The following RBM19 variants were observed in gnomAD, a reference collection of about 807,000 sequenced individuals.
RBM19 encodes probable RNA-binding protein 19.
In RBM19, 94 loss-of-function variants were observed where a neutral mutation model predicts 116.8. That is an observed-to-expected ratio of 0.80 (90% CI 0.68 to 0.95). The LOEUF (loss-of-function observed/expected upper bound fraction) is 0.95. Among genes scored for constraint, RBM19 ranks in the 40% least tolerant of loss-of-function variants. RBM19 has a pLI of 0.00. For missense variants in RBM19, 1,161 were observed against 1,220.7 expected, an observed-to-expected ratio of 0.95 and a Z score of 0.73; for synonymous variants, 475 against 494.1, an observed-to-expected ratio of 0.96 and a Z score of 0.51.
chr12:113,915,365 G>T (rs1882712439), intron 20 of RBM19, among the ~76,000 whole-genome samples: 1 of 152,132 alleles, frequency 6.6e-6, no homozygotes, highest in African/African-American at 2.4e-5. Context: ...CCCCGCTAAG[G>T]GTGGGGCTGG....
chr12:113,876,010 G>A (rs1879644888), intron 21 of RBM19, among the ~76,000 whole-genome samples: 1 of 151,920 alleles, frequency 6.6e-6, no homozygotes, highest in African/African-American at 2.4e-5. Flanking sequence ...CTGTGGTGAC[G>A]TGTGCCTTGG....
chr12:113,888,765 C>G (rs577867884), intron 21 of RBM19, among the ~76,000 whole-genome samples: 1 of 152,128 alleles, frequency 6.6e-6, no homozygotes, highest in African/African-American at 2.4e-5. Flanking sequence ...CTGTAATTCC[C>G]GTCTTCATCT....
rs766891435 is a variant in RBM19, at chr12:113,939,958, A to G, written c.1938+2T>C. ...TCAATTCTGGGTCTCCAGCAGCCCTACCTTGGAATAGGCCAGATGCCTGAA... is the reference window on the plus strand; with the variant it reads ...TCAATTCTGGGTCTCCAGCAGCCCTGCCTTGGAATAGGCCAGATGCCTGAA... On this transcript the variant is annotated splice_donor_variant, in intron 15 of 23. Transcript: ENST00000261741. LOFTEE classifies it high-confidence loss of function. 1 of 1,613,640 alleles carries G rather than the reference A, an allele frequency of 6.2e-7. No individual in the cohort carries two copies. The highest frequency in any genetic ancestry group is 1.7e-4 in the Middle Eastern group (1 of 6,052).
At chr12:113,936,931 C>T in intron 16 of RBM19, 76 bp downstream of exon 16, 1 of 1,543,068 alleles carries the variant, frequency 6.5e-7, no homozygotes. Flanking sequence ...TGATAAGAAA[C>T]TTCACGCTGC....
At chr12:113,914,083 C>T (rs192546175) in intron 21 of RBM19, among the ~76,000 whole-genome samples, 48 of 152,316 alleles carry the variant, frequency 3.2e-4, no homozygotes, top group Non-Finnish European at 2.1e-4. Context: ...AACATGGCAG[C>T]GTAGGGATCA....
chr12:113,819,080 G>A (rs1874252279), downstream of RBM19, among the ~76,000 whole-genome samples: 1 of 152,210 alleles, frequency 6.6e-6, no homozygotes, highest in Non-Finnish European at 1.5e-5. Flanking sequence ...CTCTTGATAA[G>A]GGAGTTTCAG....
Position 113,950,161 on chromosome 12 carries a change from G to A in RBM19, c.1001-7C>T. The stretch of plus-strand genomic sequence containing the variant: ...AAATCCACAAAGATGTATCCTGACA[G>A]AGGACAATGACAGAGGTAAAATCTG... On this transcript the variant is annotated splice_region_variant and splice_polypyrimidine_tract_variant and intron_variant, in intron 8 of 23. Coordinates refer to ENST00000261741, the MANE Select transcript of RBM19 (RefSeq NM_016196.4). The A allele has an allele frequency of 6.2e-7, 1 of 1,602,282 alleles. No individual in the cohort carries two copies. Among genetic ancestry groups the A allele is most frequent in the Non-Finnish European group, 8.5e-7 (1 of 1,169,618 alleles).
rs1237730031 is a variant in RBM19 at position 113,946,546 on chromosome 12, T to C, written c.1408-71A>G. On this transcript the variant is annotated intron_variant, in intron 11 of 23. Coordinates refer to ENST00000261741, the MANE Select transcript of RBM19 (RefSeq NM_016196.4). Reference sequence around the variant, plus strand: ...AAGCCCTGCTTCCTGCCGAAGGATGTTGGCTTCTGCCACGAGTAAGCTGGA... The same window carrying C: ...AAGCCCTGCTTCCTGCCGAAGGATGCTGGCTTCTGCCACGAGTAAGCTGGA... The C allele has an allele frequency of 3.1e-6, 5 of 1,602,358 alleles. No individual in the cohort carries two copies. The African/African-American group carries it at 6.7e-5, about 21-fold the overall frequency.
At chr12:113,912,331 AATGGCTAC>A (rs1882482629) in intron 21 of RBM19, among the ~76,000 whole-genome samples, 1 of 152,228 alleles carries the variant, frequency 6.6e-6, no homozygotes, top group South Asian at 2.1e-4. Context: ...TCTCTCCTGA[AATGGCTAC>A]ATGCCTCGTG....
intron 14 of RBM19, among the ~76,000 whole-genome samples, chr12:113,941,632 T>C (rs1031347011): frequency 1.3e-5 from 2 of 151,716 alleles, no homozygotes; most frequent in Non-Finnish European, 2.9e-5. Flanking sequence ...CATCCATTCA[T>C]CCACCATCCA....
chr12:113,927,545 T>C (rs1213099974), intron 16 of RBM19: 1 of 280,780 alleles, frequency 3.6e-6, no homozygotes, highest in Non-Finnish European at 6.6e-6. Flanking sequence ...GTGAACTGTT[T>C]TACTGAACCG....
intron 15 of RBM19, among the ~76,000 whole-genome samples, chr12:113,938,920 G>C (rs1265842085): frequency 6.6e-6 from 1 of 152,210 alleles, no homozygotes; most frequent in East Asian, 1.9e-4. Flanking sequence ...GGAACCGTGG[G>C]ATGATCTATT....
intron 18 of RBM19, among the ~76,000 whole-genome samples, chr12:113,924,245 T>A (rs1367219332): frequency 6.6e-6 from 1 of 152,152 alleles, no homozygotes; most frequent in Non-Finnish European, 1.5e-5. Flanking sequence ...AATGACTCGG[T>A]AGAACGTTCC....
chr12:113,823,583 GGAGA>G (rs1297803443), intron 23 of RBM19, among the ~76,000 whole-genome samples: 4 of 151,900 alleles, frequency 2.6e-5, no homozygotes, highest in Non-Finnish European at 5.9e-5. Flanking sequence ...GAAATGAGGA[GGAGA>G]GAGAAACACT....
chr12:113,947,263 C>G (rs1871104700), intron 11 of RBM19, 71 bp downstream of exon 11: 7 of 1,508,856 alleles, frequency 4.6e-6, no homozygotes, highest in African/African-American at 2.8e-5. Flanking sequence ...CACATACACA[C>G]ACACACACAC....
intron 21 of RBM19, among the ~76,000 whole-genome samples, chr12:113,894,597 A>T (rs1463947859): frequency 6.6e-6 from 1 of 152,194 alleles, no homozygotes; most frequent in Non-Finnish European, 1.5e-5. Context: ...GGGGGTTGCA[A>T]TGTAATTTTC....
At chr12:113,868,063 C>A (rs1258703381) in intron 21 of RBM19, among the ~76,000 whole-genome samples, 3 of 152,232 alleles carry the variant, frequency 2.0e-5, no homozygotes, top group African/African-American at 7.2e-5. Context: ...TAAGAGCACA[C>A]AGCAGGCCAG....
chr12:113,961,180 G>A lies in RBM19; in HGVS notation c.220-1002C>T, dbSNP rs540456744. On this transcript the variant is annotated intron_variant, in intron 2 of 23. Coordinates refer to ENST00000261741, the MANE Select transcript of RBM19 (RefSeq NM_016196.4). ...TAGGACTCCAGGCACATGTCACCAT[G>A]CCCGGCTAATTTTTTTTTTTATTTT... 7.9e-5 allele frequency among the ~76,000 whole-genome samples: 12 copies of A among 152,232 alleles called. No individual in the cohort carries two copies. The South Asian group carries it at 2.5e-3, about 32-fold the overall frequency.
At chr12:113,954,936 C>G (rs1186757099) in intron 7 of RBM19, among the ~76,000 whole-genome samples, 195 bp downstream of exon 7, 1 of 152,172 alleles carries the variant, frequency 6.6e-6, no homozygotes, top group Non-Finnish European at 1.5e-5. Context: ...CCTCCTTTGT[C>G]TTGGTGTAGC....
Sources: allele counts gnomAD v4.1 joint callset (sites outside exome capture counted in the v4.1 genomes callset), GRCh38; gene constraint gnomAD v4.1.1; transcripts MANE v1.5; gene names NCBI Gene and HGNC (gene_info 2026-07-23, HGNC 2026-07-21).